Variants in CNBD1 observed in about 807,000 individuals in gnomAD.
CNBD1 encodes the protein cyclic nucleotide binding domain containing 1.
In CNBD1, 71 loss-of-function variants were observed where a neutral mutation model predicts 54.4. The ratio of observed to expected loss-of-function variants is 1.30; its 90% CI spans 1.08 to 1.59. The LOEUF (loss-of-function observed/expected upper bound fraction) is 1.59. Ranked by LOEUF, CNBD1 falls within the 40% of genes most tolerant of loss-of-function variation. The pLI is 0.00. For missense variants in CNBD1, 659 were observed against 518.0 expected (o/e 1.27, Z -2.64); for synonymous variants, 182 against 170.7 (o/e 1.07, Z -0.51).
At chr8:86,987,594 A>G (rs1403570284) in intron 4 of CNBD1, among the ~76,000 whole-genome samples, 2 of 152,112 alleles carry the variant, frequency 1.3e-5, no homozygotes, top group Non-Finnish European at 2.9e-5. Flanking sequence ...CTCAAGAGAA[A>G]TGGTTTCAGT....
intron 6 of CNBD1, among the ~76,000 whole-genome samples, chr8:87,282,812 A>G (rs1808623081): frequency 6.6e-6 from 1 of 152,036 alleles, no homozygotes; most frequent in Non-Finnish European, 1.5e-5. Flanking sequence ...TAAATGGACA[A>G]TATCTGCTTG....
chr8:87,186,142 G>A (rs1014130487), intron 4 of CNBD1, among the ~76,000 whole-genome samples: 3 of 151,916 alleles, frequency 2.0e-5, no homozygotes. Flanking sequence ...ACGCCAAAAT[G>A]TATTTATTCT....
chr8:87,222,272 G>C (rs1814356505), intron 5 of CNBD1, among the ~76,000 whole-genome samples: 1 of 152,268 alleles, frequency 6.6e-6, no homozygotes. Context: ...GAGAAATACT[G>C]TAGGGGATCA....
intron 10 of CNBD1, among the ~76,000 whole-genome samples, chr8:87,380,202 A>T (rs1025474050): frequency 6.6e-6 from 1 of 152,018 alleles, no homozygotes; most frequent in African/African-American, 2.4e-5. Context: ...TAAAATGTCA[A>T]ATGTCAAGAT....
At chr8:87,056,369 C>A (rs957811066) in intron 4 of CNBD1, among the ~76,000 whole-genome samples, 3 of 152,112 alleles carry the variant, frequency 2.0e-5, no homozygotes, top group African/African-American at 7.2e-5. Context: ...AACTGTACAG[C>A]CTTACAGTCC....
intron 4 of CNBD1, among the ~76,000 whole-genome samples, chr8:87,204,634 C>A (rs1813930822): frequency 6.6e-6 from 1 of 152,120 alleles, no homozygotes; most frequent in Non-Finnish European, 1.5e-5. Context: ...CTCTTTCCAG[C>A]TACTTTCTAT....
At chr8:87,345,689 A>G (rs544214573) in intron 8 of CNBD1, among the ~76,000 whole-genome samples, 2 of 152,312 alleles carry the variant, frequency 1.3e-5, no homozygotes, top group Non-Finnish European at 2.9e-5. Flanking sequence ...CAAGAAAATT[A>G]ATGAAAATGC....
At chr8:87,112,177 C>T (rs750890633) in intron 4 of CNBD1, among the ~76,000 whole-genome samples, 2 of 152,184 alleles carry the variant, frequency 1.3e-5, no homozygotes, top group Non-Finnish European at 2.9e-5. Context: ...TCTTGAATCT[C>T]TCCCATATTT....
At chr8:87,406,396 A>G (rs1418358888) in intron 2 of CNBD1, among the ~76,000 whole-genome samples, 1 of 151,768 alleles carries the variant, frequency 6.6e-6, no homozygotes, top group Non-Finnish European at 1.5e-5. Context: ...ATGTAAATTA[A>G]ATATATTCAT....
At chr8:87,284,908 T>C (rs1199311270) in intron 7 of CNBD1, 93 bp downstream of exon 7, 3 of 924,404 alleles carry the variant, frequency 3.2e-6, no homozygotes, top group Non-Finnish European at 4.6e-6. Context: ...TATATCTGTT[T>C]TATTTTTAAA....
chr8:86,962,035 TG>T (rs1807941490), intron 4 of CNBD1, among the ~76,000 whole-genome samples: 1 of 152,198 alleles, frequency 6.6e-6, no homozygotes, highest in African/African-American at 2.4e-5. Flanking sequence ...TAGGAATAGC[TG>T]GAAGACAAGA....
chr8:87,281,253 AT>A (rs1468424068), intron 6 of CNBD1, among the ~76,000 whole-genome samples: 1 of 151,392 alleles, frequency 6.6e-6, no homozygotes, highest in Non-Finnish European at 1.5e-5. Flanking sequence ...AGTGTCTAAA[AT>A]TTACAAATGT....
intron 8 of CNBD1, among the ~76,000 whole-genome samples, chr8:87,323,120 T>C (rs1032576308): frequency 2.5e-5 from 3 of 119,144 alleles, no homozygotes; most frequent in East Asian, 2.1e-4. Flanking sequence ...GTTGTAGGTA[T>C]GCAGCATTAT....
intron 4 of CNBD1, among the ~76,000 whole-genome samples, chr8:87,112,900 A>T (rs1375877281): frequency 6.6e-6 from 1 of 152,126 alleles, no homozygotes; most frequent in African/African-American, 2.4e-5. Context: ...TGATGAAGGG[A>T]TTCCTTTGTG....
intron 2 of CNBD1, among the ~76,000 whole-genome samples, chr8:87,421,906 T>A (rs1193241179): frequency 1.4e-5 from 2 of 147,418 alleles, no homozygotes; most frequent in Non-Finnish European, 3.0e-5. Flanking sequence ...GTAAAAGTGT[T>A]CCTATTTCTC....
intron 4 of CNBD1, among the ~76,000 whole-genome samples, chr8:86,962,573 C>T (rs2130472920): frequency 6.6e-6 from 1 of 152,194 alleles, no homozygotes; most frequent in East Asian, 1.9e-4. Flanking sequence ...ATCACGAGGT[C>T]AGGAGATCAA....
In CNBD1 at chr8:86,905,195, G is replaced by T. The variant is rs1240386852; in HGVS notation, c.272+1G>T. ...AACTTTTCAAACAGGAGGAACAAAG[G>T]TAATGATACCTTCTTTTGAAAGCAA... is the stretch of plus-strand genomic sequence containing the variant. On this transcript the variant is annotated splice_donor_variant, in intron 3 of 10. Coordinates refer to ENST00000518476, the MANE Select transcript of CNBD1 (RefSeq NM_173538.3). LOFTEE classifies it high-confidence loss of function. 6.5e-7 allele frequency: 1 copy of T among 1,548,496 alleles called. No homozygotes were observed. The highest frequency in any genetic ancestry group is 8.9e-7 in the Non-Finnish European group (1 of 1,122,056).
chr8:87,310,175 T>A (rs576995755), intron 8 of CNBD1, among the ~76,000 whole-genome samples: 7 of 151,974 alleles, frequency 4.6e-5, no homozygotes, highest in Non-Finnish European at 8.8e-5. Context: ...GGCAACATAG[T>A]GAGACTCCAT....
At chr8:87,377,468 C>A (rs1810973203) in intron 10 of CNBD1, among the ~76,000 whole-genome samples, 1 of 152,062 alleles carries the variant, frequency 6.6e-6, no homozygotes, top group Non-Finnish European at 1.5e-5. Context: ...CATGTCCCTA[C>A]AAAGGACATG....
Sources: gnomAD v4.1 joint callset for allele counts (sites outside exome capture counted in the v4.1 genomes callset) on GRCh38, gnomAD v4.1.1 for gene constraint, MANE v1.5 for transcripts, NCBI Gene and HGNC (gene_info 2026-07-23, HGNC 2026-07-21) for gene names.